Variants in ARHGAP15 observed in about 807,000 individuals in gnomAD.
ARHGAP15 encodes rho GTPase-activating protein 15.
In ARHGAP15, 51 loss-of-function variants were observed where a neutral mutation model predicts 63.7. That is an observed-to-expected ratio of 0.80 (90% CI 0.64 to 1.01). ARHGAP15 has a LOEUF of 1.01. Ranked by LOEUF, ARHGAP15 falls within the 50% of genes least tolerant of loss-of-function variation. The pLI, the probability that ARHGAP15 is intolerant of heterozygous loss-of-function variation, is 0.00. For synonymous variants in ARHGAP15, 191 were observed against 193.8 expected, an observed-to-expected ratio of 0.99 and a Z score of 0.12; for missense variants, 560 against 564.6, an observed-to-expected ratio of 0.99 and a Z score of 0.08.
chr2:143,331,041 A>C (rs1684525660), intron 6 of ARHGAP15, among the ~76,000 whole-genome samples: 1 of 152,152 alleles, frequency 6.6e-6, no homozygotes, highest in Non-Finnish European at 1.5e-5. Flanking sequence ...CATTTATTTC[A>C]GCTTCAAAAG....
intron 2 of ARHGAP15, among the ~76,000 whole-genome samples, chr2:143,181,130 A>G (rs1425298989): frequency 2.0e-5 from 3 of 152,208 alleles, no homozygotes; most frequent in African/African-American, 7.2e-5. Flanking sequence ...ATGAATAGTA[A>G]TATTTTGAAA....
chr2:143,577,245 A>G (rs1219041464), intron 11 of ARHGAP15, among the ~76,000 whole-genome samples: 1 of 152,122 alleles, frequency 6.6e-6, no homozygotes, highest in East Asian at 1.9e-4. Flanking sequence ...CATTCCTCAT[A>G]CGAGCTAAAA....
At chr2:143,740,265 T>C in intron 13 of ARHGAP15, among the ~76,000 whole-genome samples, 1 of 152,180 alleles carries the variant, frequency 6.6e-6, no homozygotes, top group East Asian at 1.9e-4. Context: ...TCTAAACCAA[T>C]CTGCAGAGAA....
At chr2:143,578,321 T>C (rs1696756114) in intron 11 of ARHGAP15, among the ~76,000 whole-genome samples, 1 of 152,150 alleles carries the variant, frequency 6.6e-6, no homozygotes, top group East Asian at 1.9e-4. Context: ...CATGTTGTCA[T>C]TCAAGTACCA....
chr2:143,459,646 T>A (rs944644483), intron 8 of ARHGAP15, among the ~76,000 whole-genome samples: 9 of 152,092 alleles, frequency 5.9e-5, no homozygotes, highest in South Asian at 2.1e-4. Flanking sequence ...CTTAATTTTT[T>A]AAAAAAAAGA....
chr2:143,407,328 G>T (rs544571066), intron 6 of ARHGAP15, among the ~76,000 whole-genome samples: 43 of 151,880 alleles, frequency 2.8e-4, no homozygotes, highest in South Asian at 2.7e-3. Flanking sequence ...AAGATGAAGT[G>T]TTTAATATTT....
At chr2:143,715,359 T>G (rs1007728783) in intron 13 of ARHGAP15, among the ~76,000 whole-genome samples, 1 of 152,206 alleles carries the variant, frequency 6.6e-6, no homozygotes, top group African/African-American at 2.4e-5. Flanking sequence ...AAAGTTGAGA[T>G]TTCGGTAGGA....
chr2:143,273,564 C>T (rs946477731), intron 6 of ARHGAP15, among the ~76,000 whole-genome samples: 2 of 151,998 alleles, frequency 1.3e-5, no homozygotes, highest in Non-Finnish European at 2.9e-5. Flanking sequence ...TATGAACAGG[C>T]CACTTACTAG....
intron 6 of ARHGAP15, among the ~76,000 whole-genome samples, chr2:143,338,031 A>G (rs1684884873): frequency 6.6e-6 from 1 of 152,006 alleles, no homozygotes; most frequent in Non-Finnish European, 1.5e-5. Flanking sequence ...AATAATAAAC[A>G]CTTACTGAGC....
intron 1 of ARHGAP15, among the ~76,000 whole-genome samples, chr2:143,148,621 C>G (rs1198453982): frequency 6.6e-6 from 1 of 152,074 alleles, no homozygotes. Context: ...GCAGCAAATA[C>G]TCCAGATTCC....
chr2:143,447,472 C>A (rs193067267), intron 8 of ARHGAP15, among the ~76,000 whole-genome samples: 4 of 152,246 alleles, frequency 2.6e-5, no homozygotes, highest in Non-Finnish European at 4.4e-5. Context: ...GATCAGCTGG[C>A]AAGGGATGCC....
intron 9 of ARHGAP15, among the ~76,000 whole-genome samples, chr2:143,496,608 T>C (rs532223336): frequency 1.3e-5 from 2 of 152,242 alleles, no homozygotes; most frequent in East Asian, 3.8e-4. Context: ...TGTAACTCAC[T>C]ATACTTTATG....
At chr2:143,611,918 G>A (rs1383708676) in intron 11 of ARHGAP15, among the ~76,000 whole-genome samples, 1 of 152,230 alleles carries the variant, frequency 6.6e-6, no homozygotes, top group South Asian at 2.1e-4. Flanking sequence ...CCTTTTCGTT[G>A]CATTTCTACA....
intron 9 of ARHGAP15, among the ~76,000 whole-genome samples, chr2:143,511,398 A>C (rs1030392463): frequency 8.5e-5 from 13 of 152,208 alleles, no homozygotes; most frequent in Admixed American, 7.9e-4. Flanking sequence ...GGCCAAGGTC[A>C]CAGGAGTTTG....
chr2:143,188,279 T>C (rs1026183849), intron 2 of ARHGAP15, among the ~76,000 whole-genome samples: 37 of 152,130 alleles, frequency 2.4e-4, no homozygotes, highest in Non-Finnish European at 4.7e-4. Context: ...TCCAACTATG[T>C]CAATAATTAT....
chr2:143,560,724 A>T (rs1218194628), intron 11 of ARHGAP15, among the ~76,000 whole-genome samples: 1 of 152,214 alleles, frequency 6.6e-6, no homozygotes, highest in African/African-American at 2.4e-5. Flanking sequence ...GCCAAACATC[A>T]CAGTTAGGAA....
At chr2:143,669,263 A>G (rs1014901543) in intron 12 of ARHGAP15, among the ~76,000 whole-genome samples, 1 of 152,198 alleles carries the variant, frequency 6.6e-6, no homozygotes, top group Admixed American at 6.5e-5. Context: ...CTTGTGTTCA[A>G]ACTTCACCTG....
intron 6 of ARHGAP15, among the ~76,000 whole-genome samples, chr2:143,324,447 C>T (rs1558893485): frequency 6.6e-6 from 1 of 152,128 alleles, no homozygotes; most frequent in South Asian, 2.1e-4. Context: ...GAAAGTCTGA[C>T]ATATTTTCCG....
rs11438710 is a variant in ARHGAP15 at position 143,435,582 on chromosome 2, C to CTTTTTT, written c.475-10_475-5dup. The CTTTTTT allele has an allele frequency of 1.1e-5, 15 of 1,356,694 alleles. No individual in the cohort carries two copies. The highest frequency in any genetic ancestry group is 6.5e-5 in the South Asian group (4 of 61,604). The allele number at this position is 1,356,694 out of a possible 1,614,324, so 84.0% of individuals were successfully genotyped here. The stretch of plus-strand genomic sequence containing the variant: ...TTTCTTTACCTGTCTATTTCTTTTT[C>CTTTTTT]TTTTTTTTTTTTTTGCAGATCACAA... On this transcript the variant is annotated intron_variant, in intron 6 of 13. Coordinates refer to ENST00000295095, the MANE Select transcript of ARHGAP15 (RefSeq NM_018460.4).
Sources: gnomAD v4.1 joint callset for allele counts (sites outside exome capture counted in the v4.1 genomes callset) on GRCh38, gnomAD v4.1.1 for gene constraint, MANE v1.5 for transcripts, NCBI Gene and HGNC (gene_info 2026-07-23, HGNC 2026-07-21) for gene names.